Variants in CEP112 observed in about 807,000 individuals in gnomAD.
CEP112 encodes centrosomal protein of 112 kDa.
Under a neutral mutation model 153.0 loss-of-function variants are expected in CEP112, and 127 were observed. The ratio of observed to expected loss-of-function variants is 0.83; its 90% CI spans 0.72 to 0.96. The LOEUF (loss-of-function observed/expected upper bound fraction) is 0.96, where lower values mean the gene tolerates loss of function less well. Ranked by LOEUF, CEP112 falls within the 40% of genes least tolerant of loss-of-function variation. The pLI is 0.00. For missense variants in CEP112, 1,089 were observed against 1,101.2 expected (o/e 0.99, Z 0.16); for synonymous variants, 358 against 374.4 (o/e 0.96, Z 0.51).
chr17:66,029,943 T>C lies in CEP112; in HGVS notation c.1299A>G (p.Lys433=). 6.2e-7 allele frequency: 1 copy of C among 1,613,944 alleles called. No individual in the cohort carries two copies. Among genetic ancestry groups the C allele is most frequent in the Non-Finnish European group, 8.5e-7 (1 of 1,179,878 alleles). ...CAAGTTCTGCTTTTTCTTGAATTAATTTCTGCCTCTGTAAATTACTGTTCT... is the reference window on the plus strand; with the variant it reads ...CAAGTTCTGCTTTTTCTTGAATTAACTTCTGCCTCTGTAAATTACTGTTCT... ...EAENSNLQRQ[K]LIQEKAELER... The change falls in exon 13 of 27, where the codon AAA becomes AAG. Residue 433 remains lysine, a synonymous_variant. Transcript: ENST00000535342.
intron 24 of CEP112, chr17:65,655,315 C>A: frequency 6.5e-7 from 1 of 1,543,458 alleles, no homozygotes; most frequent in Non-Finnish European, 8.9e-7. Flanking sequence ...GACACTACAG[C>A]TGGATTTCTC....
intron 21 of CEP112, among the ~76,000 whole-genome samples, chr17:65,792,752 T>C (rs563878779): frequency 7.5e-4 from 114 of 152,234 alleles, no homozygotes; most frequent in African/African-American, 2.6e-3. Flanking sequence ...ACTTAGATGT[T>C]TGAAAAAAGG....
chr17:66,122,463 GTTTA>G (rs1405347385), intron 6 of CEP112, among the ~76,000 whole-genome samples: 1 of 151,984 alleles, frequency 6.6e-6, no homozygotes, highest in Non-Finnish European at 1.5e-5. Flanking sequence ...GTTTTCATTT[GTTTA>G]TTTGATTAGT....
chr17:65,740,032 T>C lies in CEP112; in HGVS notation c.2607+3036A>G, dbSNP rs2051038116. 2.0e-5 allele frequency among the ~76,000 whole-genome samples: 3 copies of C among 152,232 alleles called. No homozygotes were observed. The South Asian group carries it at 6.2e-4, about 31-fold the overall frequency. On this transcript the variant is annotated intron_variant, in intron 23 of 26. Coordinates refer to ENST00000535342, the MANE Select transcript of CEP112 (RefSeq NM_001199165.4). ...AAATTCTACCACTCAGAGATATCCA[T>C]TAGTAAAATTTTGATATAACTGTAG...
chr17:65,703,528 A>G (rs2048749671), intron 23 of CEP112, among the ~76,000 whole-genome samples: 1 of 149,600 alleles, frequency 6.7e-6, no homozygotes, highest in Admixed American at 6.7e-5. Flanking sequence ...AGAAGGAAAA[A>G]AAAAAAAAAA....
chr17:65,774,616 T>C (rs914638993), intron 21 of CEP112, among the ~76,000 whole-genome samples: 2 of 152,056 alleles, frequency 1.3e-5, no homozygotes, highest in East Asian at 1.9e-4. Flanking sequence ...CAAAGATTAG[T>C]GGGGATAATC....
chr17:66,100,938 TTATC>T (rs779830146), intron 6 of CEP112, among the ~76,000 whole-genome samples: 74 of 152,262 alleles, frequency 4.9e-4, no homozygotes, highest in African/African-American at 1.6e-3. Context: ...CTGCACTACT[TTATC>T]TAAGGAACAT....
chr17:65,716,411 T>C (rs1452362676), intron 23 of CEP112, among the ~76,000 whole-genome samples: 3 of 152,142 alleles, frequency 2.0e-5, no homozygotes, highest in South Asian at 4.1e-4. Flanking sequence ...TCCGCCCACC[T>C]TGGCCTCCCA....
At chr17:65,903,379 C>G (rs1297351354) in intron 19 of CEP112, 1 of 152,198 alleles carries the variant, frequency 6.6e-6, no homozygotes, top group Non-Finnish European at 1.5e-5. Context: ...TATCTTAAAG[C>G]TATAGCATTC....
intron 4 of CEP112, among the ~76,000 whole-genome samples, chr17:66,165,782 T>C (rs953485575): frequency 6.6e-6 from 1 of 152,154 alleles, no homozygotes; most frequent in Admixed American, 6.5e-5. Flanking sequence ...ATGCTAGCTA[T>C]ATTGGGGTAA....
In CEP112 at chr17:65,828,760, CCT is replaced by C. The variant is rs1487788741; in HGVS notation, c.2394+23042_2394+23043del. 2.0e-5 allele frequency among the ~76,000 whole-genome samples: 3 copies of C among 152,000 alleles called. No homozygotes were observed. The East Asian group carries it at 5.8e-4, about 29-fold the overall frequency. On this transcript the variant is annotated intron_variant, in intron 21 of 26. Coordinates refer to ENST00000535342, the MANE Select transcript of CEP112 (RefSeq NM_001199165.4). ...CCTAATATCAAACCATCTTTGCACT[CCT>C]GGAATAAAATCCATGTGATTATGAT...
At chr17:65,892,726 G>A (rs1355530528) in intron 20 of CEP112, among the ~76,000 whole-genome samples, 1 of 152,046 alleles carries the variant, frequency 6.6e-6, no homozygotes, top group African/African-American at 2.4e-5. Flanking sequence ...AGTAATTGGT[G>A]GATAATTGAA....
chr17:65,813,031 T>G (rs1469482268), intron 21 of CEP112, among the ~76,000 whole-genome samples: 1 of 152,132 alleles, frequency 6.6e-6, no homozygotes. Context: ...AATAAAACAT[T>G]ATTTCAAATA....
intron 4 of CEP112, among the ~76,000 whole-genome samples, chr17:66,158,546 A>C (rs1215026106): frequency 6.6e-6 from 1 of 152,132 alleles, no homozygotes; most frequent in Non-Finnish European, 1.5e-5. Flanking sequence ...CAGGAGGTGG[A>C]GCTTGCAGTC....
chr17:66,176,301 A>T (rs116879328), intron 3 of CEP112, among the ~76,000 whole-genome samples: 5,188 of 152,328 alleles, frequency 0.034, 133 homozygotes, highest in Middle Eastern at 0.061. Flanking sequence ...GGACCAGGGC[A>T]GTGACAATTT....
chr17:65,750,898 G>T, intron 21 of CEP112, 174 bp from the exon 22 acceptor site: 7 of 363,564 alleles, frequency 1.9e-5, no homozygotes, highest in South Asian at 6.9e-5. Context: ...CACTTAAAAA[G>T]CAAAAAAAAA....
At chr17:65,701,895 T>G (rs1024352622) in intron 23 of CEP112, among the ~76,000 whole-genome samples, 37 of 150,986 alleles carry the variant, frequency 2.5e-4, no homozygotes, top group East Asian at 1.6e-3. Flanking sequence ...TCTTTTTTTT[T>G]TTGTTTTTTT....
intron 21 of CEP112, among the ~76,000 whole-genome samples, chr17:65,800,381 AT>A (rs550546935): frequency 3.2e-4 from 49 of 152,088 alleles, no homozygotes; most frequent in African/African-American, 9.4e-4. Flanking sequence ...TTGTGTCCAG[AT>A]TTTTTTTATT....
At chr17:66,166,818 C>T (rs1384593681) in intron 4 of CEP112, among the ~76,000 whole-genome samples, 1 of 151,032 alleles carries the variant, frequency 6.6e-6, no homozygotes, top group Non-Finnish European at 1.5e-5. Flanking sequence ...GCAGAAGAAT[C>T]GCTTGAACCC....
Sources: gnomAD v4.1 joint callset for allele counts (sites outside exome capture counted in the v4.1 genomes callset) on GRCh38, gnomAD v4.1.1 for gene constraint, MANE v1.5 for transcripts, NCBI Gene and HGNC (gene_info 2026-07-23, HGNC 2026-07-21) for gene names.